The following LZTR1 variants were observed in gnomAD, a reference collection of about 807,000 sequenced individuals.
LZTR1 encodes the protein leucine-zipper-like transcriptional regulator 1.
In LZTR1, 260 loss-of-function variants were observed where a neutral mutation model predicts 105.7. That is an observed-to-expected ratio of 2.46 (90% CI 2.22 to 2.72). The LOEUF (loss-of-function observed/expected upper bound fraction) is 2.72. Among genes scored for constraint, LZTR1 ranks in the 30% most tolerant of loss-of-function variants. The pLI is 0.00. For synonymous variants in LZTR1, 490 were observed against 476.4 expected (o/e 1.03, Z -0.37); for missense variants, 1,214 against 1,166.9 (o/e 1.04, Z -0.59).
At position 20,988,038 on chromosome 22, in the gene LZTR1, T is replaced by C; in HGVS notation, c.429T>C (p.Asn143=). ...FGGYTGDIYS[N]SNLKNKNDLF... Reference sequence around the variant, plus strand: ...GTTACACTGGGGACATTTATTCCAATTCTAACTTGAAGAATAAAAACGACC... The same window carrying C: ...GTTACACTGGGGACATTTATTCCAACTCTAACTTGAAGAATAAAAACGACC... Residue 143 remains asparagine, a synonymous_variant, in exon 5 of 21, where the codon AAT becomes AAC. Coordinates refer to ENST00000646124, the MANE Select transcript of LZTR1 (RefSeq NM_006767.4). 2 of 1,611,590 alleles carry C rather than the reference T, an allele frequency of 1.2e-6. No individual in the cohort carries two copies. The highest frequency in any genetic ancestry group is 1.7e-6 in the Non-Finnish European group (2 of 1,177,676).
chr22:20,987,636 C>A (rs1805502514), intron 4 of LZTR1, 53 bp downstream of exon 4: 2 of 1,495,404 alleles, frequency 1.3e-6, no homozygotes, highest in Non-Finnish European at 1.9e-6. Flanking sequence ...CCCACAGACA[C>A]CCTGCCCTTC....
chr22:20,996,110 G>A lies in LZTR1; in HGVS notation c.2217G>A (p.Ser739=), dbSNP rs768672857. The A allele has an allele frequency of 9.3e-6, 15 of 1,611,552 alleles. No individual in the cohort carries two copies. Among genetic ancestry groups the A allele is most frequent in the African/African-American group, 1.3e-5 (1 of 74,870 alleles). The part of the protein sequence containing the change: ...YGEVNMPPED[S]LYLFAAPYYY... ...AGGTCAACATGCCGCCCGAGGACTCGCTGCATCCTCACTCCCCAGTGAACT... is the reference window on the plus strand; with the variant it reads ...AGGTCAACATGCCGCCCGAGGACTCACTGCATCCTCACTCCCCAGTGAACT... The change falls in exon 18 of 21, where the codon TCG becomes TCA. Residue 739 remains serine (S), a splice_region_variant and synonymous_variant. Coordinates refer to ENST00000646124, the MANE Select transcript of LZTR1 (RefSeq NM_006767.4).
In LZTR1 at chr22:20,993,743, GT is replaced by G; in HGVS notation, c.1343del (p.Val448GlyfsTer13). The G allele has an allele frequency of 6.2e-7, 1 of 1,612,960 alleles. No homozygotes were observed. Among genetic ancestry groups the G allele is most frequent in the Non-Finnish European group, 8.5e-7 (1 of 1,179,774 alleles). ...ESRQFCDVEF[V>X]LGEKEECVQG... ...CCGCCAGTTCTGCGACGTGGAGTTC[GT>G]GCTGGGTGAGGTGGGTGCCTGTCCT... is the stretch of plus-strand genomic sequence containing the variant. On this transcript the variant is annotated frameshift_variant, in exon 12 of 21. Coordinates refer to ENST00000646124, the MANE Select transcript of LZTR1 (RefSeq NM_006767.4). LOFTEE classifies it high-confidence loss of function.
At chr22:20,992,425 T>C in intron 10 of LZTR1, 56 bp downstream of exon 10, 1 of 1,536,960 alleles carries the variant, frequency 6.5e-7, no homozygotes, top group Non-Finnish European at 8.8e-7. Flanking sequence ...GGTCCTGTGA[T>C]CAACACCTCT....
intron 1 of LZTR1, among the ~76,000 whole-genome samples, 163 bp downstream of exon 1, chr22:20,982,734 G>A (rs1227955388): frequency 6.6e-6 from 1 of 152,184 alleles, no homozygotes; most frequent in Non-Finnish European, 1.5e-5. Flanking sequence ...AGAGGGTTCC[G>A]AGGGAGTCCC....
Position 20,983,109 on chromosome 22 carries a change from AGT to A in LZTR1, c.263+23_263+24del. ...CAATGGGTGAGTGAGTCTCAGCATC[AGT>A]GTTTGGACCAGGTAGGGAGAAGTAC... On this transcript the variant is annotated intron_variant, in intron 2 of 20. Transcript: ENST00000646124. 1 of 1,610,126 alleles carries A rather than the reference AGT, an allele frequency of 6.2e-7. No individual in the cohort carries two copies. The highest frequency in any genetic ancestry group is 8.5e-7 in the Non-Finnish European group (1 of 1,176,334).
intron 8 of LZTR1, chr22:20,990,830 C>G (rs1291789198): frequency 3.2e-6 from 1 of 309,276 alleles, no homozygotes; most frequent in East Asian, 8.4e-5. Flanking sequence ...ACGTGGCCTG[C>G]ATAGATCTCA....
Position 20,983,054 on chromosome 22 carries a change from T to A in LZTR1, c.228T>A (p.Tyr76Ter). 1 of 1,614,160 alleles carries A rather than the reference T, an allele frequency of 6.2e-7. No individual in the cohort carries two copies. The highest frequency in any genetic ancestry group is 8.5e-7 in the Non-Finnish European group (1 of 1,179,990). ...ARRSKHTVVA[Y>*]KDAIYVFGGD... ...GCAGCAAGCACACAGTGGTGGCCTA[T>A]AAAGATGCCATTTATGTATTTGGTG... Residue 76 changes from tyrosine to a stop codon, truncating the protein, a stop_gained, in exon 2 of 21, where the codon TAT becomes TAA. Transcript: ENST00000646124. LOFTEE classifies it high-confidence loss of function.
intron 14 of LZTR1, 53 bp downstream of exon 14, chr22:20,994,322 C>T (rs1368826997): frequency 1.9e-6 from 3 of 1,566,838 alleles, no homozygotes; most frequent in South Asian, 1.1e-5. Context: ...GTGCGGGCAG[C>T]AGAGCCAAAA....
intron 7 of LZTR1, 22 bp downstream of exon 7, chr22:20,989,704 GGC>G (rs1181796475): frequency 1.3e-4 from 5 of 39,612 alleles, no homozygotes; most frequent in South Asian, 2.1e-4. Context: ...GGGGAGCCAG[GGC>G]GCAGGTAGAG....
Position 20,997,424 on chromosome 22 carries a change from G to A in LZTR1, c.*76G>A. 4 of 1,122,636 alleles carry A rather than the reference G, an allele frequency of 3.6e-6. No homozygotes were observed. The highest frequency in any genetic ancestry group is 2.5e-5 in the South Asian group (2 of 80,116). 69.5% of individuals were successfully genotyped at this position (1,122,636 alleles called of 1,614,324 possible). ...GCCTACTGAGAAGACTACCGGCTAT[G>A]CGCATGCCTATGGCAGTGGGTGCAC... is the stretch of plus-strand genomic sequence containing the variant. On this transcript the variant is annotated 3_prime_UTR_variant, in exon 21 of 21. Transcript: ENST00000646124.
chr22:20,994,149 G>T lies in LZTR1; in HGVS notation c.1495G>T (p.Val499Leu). Reference protein sequence around the residue: ...AAPVPREAPGVAAGGARPPLL... With the variant: ...AAPVPREAPGLAAGGARPPLL... ...CCCAGTTCCCAGGGAGGCCCCCGGC[G>T]TGGCTGCTGGTGGGGCCCGGCCGCC... is the stretch of plus-strand genomic sequence containing the variant. Residue 499 changes from valine to leucine, a missense_variant, in exon 14 of 21, where the codon GTG becomes TTG. Coordinates refer to ENST00000646124, the MANE Select transcript of LZTR1 (RefSeq NM_006767.4). 1 of 1,594,400 alleles carries T rather than the reference G, an allele frequency of 6.3e-7. No individual in the cohort carries two copies. Among genetic ancestry groups the T allele is most frequent in the Non-Finnish European group, 8.5e-7 (1 of 1,170,888 alleles).
chr22:20,988,890 C>T lies in LZTR1; in HGVS notation c.593+18C>T. ...AACGCCAGGTGGGTGGTGGTCCGGC[C>T]TGTGCACCCCACCTCCGACAGCACT... is the stretch of plus-strand genomic sequence containing the variant. On this transcript the variant is annotated intron_variant, in intron 6 of 20. Transcript: ENST00000646124. 6.2e-7 allele frequency: 1 copy of T among 1,608,060 alleles called. No individual in the cohort carries two copies.
At chr22:20,991,494 C>A in intron 8 of LZTR1, 134 bp from the exon 9 acceptor site, 1 of 702,480 alleles carries the variant, frequency 1.4e-6, no homozygotes, top group Non-Finnish European at 2.4e-6. Flanking sequence ...GGTGTCTAGG[C>A]CCTCCCTCTG....
rs1287917092 is a variant in LZTR1 at position 20,989,645 on chromosome 22, T to C, written c.614T>C (p.Ile205Thr). 2.5e-6 allele frequency: 4 copies of C among 1,613,500 alleles called. No individual in the cohort carries two copies. Among genetic ancestry groups the C allele is most frequent in the Middle Eastern group, 1.6e-4 (1 of 6,062 alleles). ...TACAGGTTGAATGACATGTGGACAA[T>C]TGGCCTCCAGGACCGAGAGCTCACC... The part of the protein sequence containing the change: ...GNARLNDMWT[I>T]GLQDRELTCW... The change falls in exon 7 of 21, where the codon ATT becomes ACT. Residue 205 changes from isoleucine to threonine, a missense_variant. Transcript: ENST00000646124.
intron 6 of LZTR1, 28 bp downstream of exon 6, chr22:20,988,900 C>T: frequency 1.3e-6 from 2 of 1,596,006 alleles, no homozygotes; most frequent in East Asian, 2.2e-5. Flanking sequence ...CTGTGCACCC[C>T]ACCTCCGACA....
intron 2 of LZTR1, among the ~76,000 whole-genome samples, chr22:20,984,622 G>GGT (rs1555927167): frequency 0.69 from 92,066 of 133,118 alleles, 33,594 homozygotes; most frequent in Non-Finnish European, 0.82. Flanking sequence ...GAGGGGGGGG[G>GGT]GGCGGTATCA....
At chr22:20,996,632 G>C (rs1924858575) in intron 18 of LZTR1, 64 bp from the exon 19 acceptor site, 1 of 1,417,264 alleles carries the variant, frequency 7.1e-7, no homozygotes, top group South Asian at 1.2e-5. Flanking sequence ...GCCCTTCCCT[G>C]TCCTTCCCTG....
rs759983066 is a variant in LZTR1, at chr22:20,996,899, C to G, written c.2339C>G (p.Ala780Gly). The change falls in exon 20 of 21, where the codon GCT (alanine) becomes GGT (glycine). Residue 780 changes from alanine (A) to glycine (G), a missense_variant. Ala to Gly is a moderately conservative substitution (Grantham distance 60). Transcript: ENST00000646124. Reference protein sequence around the residue: ...VQNVLQILEAADKTQALDMKR... With the variant: ...VQNVLQILEAGDKTQALDMKR... ...CTGCCATTGCAGATCCTGGAGGCAG[C>G]TGACAAAACGCAGGCACTGGACATG... The G allele has an allele frequency of 2.5e-6, 4 of 1,612,106 alleles. No homozygotes were observed. Among genetic ancestry groups the G allele is most frequent in the Middle Eastern group, 1.6e-4 (1 of 6,062 alleles).
Sources: gnomAD v4.1 joint callset for allele counts (sites outside exome capture counted in the v4.1 genomes callset) on GRCh38, gnomAD v4.1.1 for gene constraint, MANE v1.5 for transcripts, NCBI Gene and HGNC (gene_info 2026-07-23, HGNC 2026-07-21) for gene names.